The following DCAF8L2 variants were observed in gnomAD, a reference collection of about 807,000 sequenced individuals.
DCAF8L2 encodes DDB1- and CUL4-associated factor 8-like protein 2.
For missense variants in DCAF8L2, 430 were observed against 490.7 expected (o/e 0.88, Z 1.17); for synonymous variants, 200 against 190.9 (o/e 1.05, Z -0.39).
At chrX:27,563,661 G>A in the DCAF8L2 span, among the ~76,000 whole-genome samples, 14 of 112,146 alleles carry the variant, frequency 1.2e-4, no homozygotes, top group African/African-American at 4.5e-4. Context: ...TATTGCTACA[G>A]AGAAATACAT....
chrX:27,674,819 T>A (rs1930086422), intron 2 of DCAF8L2, among the ~76,000 whole-genome samples: 1 of 111,475 alleles, frequency 9.0e-6, no homozygotes, highest in Non-Finnish European at 1.9e-5. Flanking sequence ...GATGAAAGGA[T>A]TGAACAGTAT....
At chrX:27,502,332 AAAAATATATATAT>A in the DCAF8L2 span, among the ~76,000 whole-genome samples, 5 of 34,064 alleles carry the variant, frequency 1.5e-4, no homozygotes, top group Admixed American at 4.5e-4. Flanking sequence ...AAAAAAAAAA[AAAAATATATATAT>A]ATATATATAT....
intron 3 of DCAF8L2, among the ~76,000 whole-genome samples, chrX:27,682,359 T>C (rs1431960858): frequency 1.8e-5 from 2 of 111,752 alleles, no homozygotes; most frequent in East Asian, 5.6e-4. Flanking sequence ...TTAAGAATGG[T>C]CTCTGAATGT....
intron 4 of DCAF8L2, among the ~76,000 whole-genome samples, chrX:27,717,415 AATG>A (rs1931738519): frequency 8.9e-6 from 1 of 112,063 alleles, no homozygotes; most frequent in South Asian, 3.7e-4. Flanking sequence ...ACTTTTTAAT[AATG>A]GCCATTCCAA....
At chrX:27,514,778 C>T in the DCAF8L2 span, among the ~76,000 whole-genome samples, 1 of 107,362 alleles carries the variant, frequency 9.3e-6, no homozygotes, top group South Asian at 3.9e-4. Context: ...GTGAAATAAG[C>T]CAGTCATAAA....
intron 1 of DCAF8L2, among the ~76,000 whole-genome samples, chrX:27,609,085 C>T (rs992342090): frequency 1.8e-5 from 2 of 111,469 alleles, no homozygotes; most frequent in African/African-American, 6.5e-5. Flanking sequence ...ATGCTTCTAC[C>T]ATGTATCACG....
the DCAF8L2 span, among the ~76,000 whole-genome samples, chrX:27,584,681 T>C: frequency 5.0e-4 from 56 of 111,858 alleles, no homozygotes; most frequent in Non-Finnish European, 9.0e-4. Context: ...GAAAAATTAT[T>C]CTATGTAAGG....
intron 3 of DCAF8L2, among the ~76,000 whole-genome samples, chrX:27,703,643 T>C (rs1931213903): frequency 9.0e-6 from 1 of 111,125 alleles, no homozygotes; most frequent in Admixed American, 9.6e-5. Flanking sequence ...CAACAAATGG[T>C]GCTGGGAGAA....
At chrX:27,547,782 G>A in the DCAF8L2 span, among the ~76,000 whole-genome samples, 2 of 107,142 alleles carry the variant, frequency 1.9e-5, no homozygotes, top group Non-Finnish European at 3.9e-5. Flanking sequence ...AACATATCAA[G>A]ATCTTTTGGT....
intron 2 of DCAF8L2, among the ~76,000 whole-genome samples, chrX:27,636,060 G>A (rs992389971): frequency 6.3e-5 from 7 of 110,959 alleles, no homozygotes; most frequent in African/African-American, 2.3e-4. Flanking sequence ...TGATCTGCCC[G>A]CCAACCGTGG....
At chrX:27,548,891 T>C in the DCAF8L2 span, among the ~76,000 whole-genome samples, 1 of 111,903 alleles carries the variant, frequency 8.9e-6, no homozygotes, top group African/African-American at 3.2e-5. Flanking sequence ...TCCTGTTACA[T>C]CAGTCAGCTT....
chrX:27,614,466 G>C (rs1230860024), intron 1 of DCAF8L2, among the ~76,000 whole-genome samples: 2 of 111,131 alleles, frequency 1.8e-5, no homozygotes, highest in East Asian at 5.7e-4. Flanking sequence ...GTTCTGCTCT[G>C]ATCTTAGTTA....
chrX:27,522,110 C>A, the DCAF8L2 span, among the ~76,000 whole-genome samples: 27 of 112,308 alleles, frequency 2.4e-4, no homozygotes, highest in Middle Eastern at 0.023. Context: ...TCACCACAAG[C>A]CCCGCCTCCT....
chrX:27,533,238 A>AAGAAAG, the DCAF8L2 span, among the ~76,000 whole-genome samples: 5 of 84,376 alleles, frequency 5.9e-5, no homozygotes, highest in Non-Finnish European at 1.2e-4. Context: ...AAGAAAGAGA[A>AAGAAAG]AGAAAGAAAG....
the DCAF8L2 span, among the ~76,000 whole-genome samples, chrX:27,499,208 T>G: frequency 8.9e-6 from 1 of 112,427 alleles, no homozygotes; most frequent in Admixed American, 9.4e-5. Context: ...AAGGGTTCCC[T>G]TTTCTTCACA....
intron 4 of DCAF8L2, among the ~76,000 whole-genome samples, chrX:27,738,622 C>T (rs1921670871): frequency 8.9e-6 from 1 of 112,148 alleles, no homozygotes; most frequent in African/African-American, 3.2e-5. Flanking sequence ...CATTCCTGTC[C>T]TCAAGTATCT....
At chrX:27,622,935 G>A (rs1392511794) in intron 1 of DCAF8L2, among the ~76,000 whole-genome samples, 1 of 111,581 alleles carries the variant, frequency 9.0e-6, no homozygotes, top group Non-Finnish European at 1.9e-5. Context: ...GTATATTGTA[G>A]TCCACCATAA....
chrX:27,684,709 A>G (rs926169913), intron 3 of DCAF8L2, among the ~76,000 whole-genome samples: 1 of 111,791 alleles, frequency 8.9e-6, no homozygotes, highest in Non-Finnish European at 1.9e-5. Context: ...ATAATGTTCT[A>G]CATGGTAGGA....
chrX:27,718,748 T>C (rs975051492), intron 4 of DCAF8L2, among the ~76,000 whole-genome samples: 2 of 111,334 alleles, frequency 1.8e-5, no homozygotes, highest in Non-Finnish European at 3.8e-5. Flanking sequence ...ACTGAAACAT[T>C]GGTTATTCTT....
Sources: gnomAD v4.1 joint callset for allele counts (sites outside exome capture counted in the v4.1 genomes callset) on GRCh38, gnomAD v4.1.1 for gene constraint, MANE v1.5 for transcripts, NCBI Gene and HGNC (gene_info 2026-07-23, HGNC 2026-07-21) for gene names.